Variants in ANKFN1 observed in about 807,000 individuals in gnomAD.
ANKFN1 encodes ankyrin repeat and fibronectin type III domain containing 1.
Under a neutral mutation model 108.7 loss-of-function variants are expected in ANKFN1, and 74 were observed. That is an observed-to-expected ratio of 0.68 (90% CI 0.56 to 0.83). ANKFN1 has a LOEUF of 0.83. Ranked by LOEUF, ANKFN1 falls within the 40% of genes least tolerant of loss-of-function variation. The pLI is 0.00. For synonymous variants in ANKFN1, 547 were observed against 516.2 expected (o/e 1.06, Z -0.81); for missense variants, 1,505 against 1,382.3 (o/e 1.09, Z -1.41).
chr17:56,321,461 G>GAA (rs34327424), intron 3 of ANKFN1, among the ~76,000 whole-genome samples: 24 of 99,056 alleles, frequency 2.4e-4, no homozygotes, highest in South Asian at 1.5e-3. Flanking sequence ...CACTCCCTAA[G>GAA]AAAAAAAAAA....
At chr17:56,122,241 A>G (rs1308278823) in intron 4 of ANKFN1, among the ~76,000 whole-genome samples, 3 of 152,212 alleles carry the variant, frequency 2.0e-5, no homozygotes. Context: ...TTAATAGAGC[A>G]TAATGTTGGC....
chr17:56,253,353 T>C (rs2043280651), intron 3 of ANKFN1, among the ~76,000 whole-genome samples: 1 of 152,226 alleles, frequency 6.6e-6, no homozygotes. Context: ...ACATTGCTTC[T>C]ATTAATTCAG....
At chr17:56,373,389 C>G (rs996283878) in intron 7 of ANKFN1, among the ~76,000 whole-genome samples, 15 of 152,162 alleles carry the variant, frequency 9.9e-5, no homozygotes, top group Admixed American at 9.8e-4. Flanking sequence ...TTAAGAAAAG[C>G]CTTCTTTTTG....
intron 8 of ANKFN1, among the ~76,000 whole-genome samples, chr17:56,402,366 C>G (rs954332442): frequency 2.6e-5 from 4 of 152,252 alleles, no homozygotes; most frequent in African/African-American, 9.6e-5. Context: ...AATCTCGCTG[C>G]TTGCTACTGG....
rs1233446199 is a variant in ANKFN1, at chr17:56,511,339, C to G, written c.*70C>G. 1.2e-5 allele frequency: 16 copies of G among 1,359,790 alleles called. No homozygotes were observed. Among genetic ancestry groups the G allele is most frequent in the Non-Finnish European group, 1.4e-5 (14 of 1,022,700 alleles). 84.2% of individuals were successfully genotyped at this position (1,359,790 alleles called of 1,614,324 possible). A position where few individuals can be genotyped will look rare whatever the true frequency, so the allele number is the denominator to read the frequency against. On this transcript the variant is annotated 3_prime_UTR_variant, in exon 21 of 21. Transcript: ENST00000682825. ...GTTTTACATCACCCTTACCCCCATC[C>G]TGCCCCACTGTGTACCCACTCATTT...
At chr17:56,411,723 T>G (rs1353118347) in intron 8 of ANKFN1, among the ~76,000 whole-genome samples, 1 of 152,196 alleles carries the variant, frequency 6.6e-6, no homozygotes, top group Non-Finnish European at 1.5e-5. Context: ...GACAAGTGCT[T>G]TTACTGTATC....
intron 4 of ANKFN1, among the ~76,000 whole-genome samples, chr17:56,113,347 C>T (rs1598101201): frequency 1.3e-5 from 2 of 152,122 alleles, no homozygotes; most frequent in Admixed American, 1.3e-4. Flanking sequence ...GAAAATGAGA[C>T]CGTTTAAGCT....
At chr17:56,360,212 C>G (rs1002875801) in intron 6 of ANKFN1, among the ~76,000 whole-genome samples, 1 of 152,164 alleles carries the variant, frequency 6.6e-6, no homozygotes, top group African/African-American at 2.4e-5. Flanking sequence ...ACTGTGCACT[C>G]CTCACCCACA....
At chr17:56,139,694 G>T (rs569962700) in intron 4 of ANKFN1, among the ~76,000 whole-genome samples, 2 of 152,280 alleles carry the variant, frequency 1.3e-5, no homozygotes, top group Admixed American at 1.3e-4. Flanking sequence ...ACTTATAGAG[G>T]CTGCTCAGAA....
In ANKFN1 at chr17:56,394,865, T is replaced by C. The variant is rs75319837; in HGVS notation, c.910+20151T>C. On this transcript the variant is annotated intron_variant, in intron 8 of 20. Transcript: ENST00000682825. Reference sequence around the variant, plus strand: ...CCTTTGCAGCATTATAGTTTGTCAATAGTCCGCGACTGCTTTCTAGAATTT... The same window carrying C: ...CCTTTGCAGCATTATAGTTTGTCAACAGTCCGCGACTGCTTTCTAGAATTT... 4.8e-3 allele frequency among the ~76,000 whole-genome samples: 730 copies of C among 152,328 alleles called. 3 individuals are homozygous for C. The highest frequency in any genetic ancestry group is 6.2e-3 in the Non-Finnish European group (423 of 68,020).
chr17:56,302,862 C>T (rs913084810), intron 3 of ANKFN1, among the ~76,000 whole-genome samples: 7 of 152,166 alleles, frequency 4.6e-5, no homozygotes, highest in Admixed American at 2.6e-4. Flanking sequence ...CCTACCAGAT[C>T]CCTTTAAATA....
intron 4 of ANKFN1, among the ~76,000 whole-genome samples, chr17:56,124,450 G>A (rs892167330): frequency 3.9e-5 from 6 of 152,268 alleles, no homozygotes; most frequent in Non-Finnish European, 1.5e-5. Context: ...GCATACAAAC[G>A]TGGTCCTTGG....
chr17:56,210,073 G>GATAGATAA (rs1477924219), intron 1 of ANKFN1, among the ~76,000 whole-genome samples: 1 of 151,488 alleles, frequency 6.6e-6, no homozygotes, highest in Admixed American at 6.6e-5. Flanking sequence ...TAGATAGATA[G>GATAGATAA]ATAGATAGAT....
intron 8 of ANKFN1, among the ~76,000 whole-genome samples, chr17:56,419,970 G>C (rs2048353092): frequency 6.6e-6 from 1 of 152,070 alleles, no homozygotes; most frequent in Non-Finnish European, 1.5e-5. Flanking sequence ...TAATAACCTG[G>C]TTCCCCATAC....
chr17:56,098,703 A>G (rs977221171), intron 4 of ANKFN1, among the ~76,000 whole-genome samples: 2 of 152,188 alleles, frequency 1.3e-5, no homozygotes, highest in Admixed American at 6.5e-5. Context: ...TAACTGCATA[A>G]AGAACCTTAG....
intron 14 of ANKFN1, among the ~76,000 whole-genome samples, chr17:56,458,980 A>C (rs1429269203): frequency 6.6e-6 from 1 of 152,200 alleles, no homozygotes; most frequent in Non-Finnish European, 1.5e-5. Flanking sequence ...TTTTGTTGCT[A>C]TTACAATTAA....
rs2051873558 is a variant in ANKFN1, at chr17:56,514,918, C to A, written c.*3649C>A. Among the ~76,000 whole-genome samples the A allele has an allele frequency of 6.6e-6, 1 of 152,106 alleles. No homozygotes were observed. The highest frequency in any genetic ancestry group is 2.4e-5 in the African/African-American group (1 of 41,430). On this transcript the variant is annotated 3_prime_UTR_variant, in exon 21 of 21. Transcript: ENST00000682825. ...ACCCTCGTTCATTGTTATCCTGCCA[C>A]ACAAATGTGCGCCCTGGTGAGTTTG...
At position 56,144,532 on chromosome 17, in the gene ANKFN1, C is replaced by T. The variant is rs563393690; in HGVS notation, c.289-83385C>T. Among the ~76,000 whole-genome samples the T allele has an allele frequency of 7.2e-5, 11 of 152,290 alleles. No homozygotes were observed. In the South Asian group the frequency reaches 1.9e-3, roughly 26 times the overall value. On this transcript the variant is annotated intron_variant, in intron 4 of 12. Coordinates refer to the ANKFN1 transcript ENST00000635860. ...CTCTGATTTAAACCGCATGCCCTCG[C>T]GGGAGTCCCTAGAATGAGAGTTCCA... is the stretch of plus-strand genomic sequence containing the variant.
intron 4 of ANKFN1, among the ~76,000 whole-genome samples, chr17:56,128,329 C>T (rs933885197): frequency 2.0e-5 from 3 of 151,552 alleles, no homozygotes; most frequent in Non-Finnish European, 4.4e-5. Context: ...GCTAAGATTA[C>T]AAAATGTGTT....
Sources: gnomAD v4.1 joint callset for allele counts (sites outside exome capture counted in the v4.1 genomes callset) on GRCh38, gnomAD v4.1.1 for gene constraint, MANE v1.5 for transcripts, NCBI Gene and HGNC (gene_info 2026-07-23, HGNC 2026-07-21) for gene names.